LRCH3: variants seen among roughly 807,000 people sequenced by gnomAD.
The protein encoded by LRCH3 is leucine rich repeats and calponin homology domain containing 3.
A neutral mutation model predicts 104.5 loss-of-function variants in LRCH3; 68 were observed. The ratio of observed to expected loss-of-function variants is 0.65; its 90% CI spans 0.54 to 0.80. LRCH3 has a LOEUF of 0.80. Ranked by LOEUF, LRCH3 falls within the 30% of genes least tolerant of loss-of-function variation. LRCH3 has a pLI of 0.00. For missense variants in LRCH3, 951 were observed against 953.9 expected (o/e 1.00, Z 0.04); for synonymous variants, 344 against 361.3 (o/e 0.95, Z 0.54).
intron 20 of LRCH3, chr3:197,882,633 C>CT: frequency 1.0e-6 from 1 of 972,050 alleles, no homozygotes; most frequent in Non-Finnish European, 1.2e-6. Flanking sequence ...AATCTCTTTT[C>CT]TTTTTGGAAT....
At chr3:197,832,944 G>A (rs867647915) in intron 8 of LRCH3, among the ~76,000 whole-genome samples, 2 of 152,046 alleles carry the variant, frequency 1.3e-5, no homozygotes, top group East Asian at 3.9e-4. Context: ...AGTTATAATG[G>A]AAAATAACTT....
rs1194082593 is a variant in LRCH3, at chr3:197,826,100, A to G, written c.641-778A>G. 3.9e-5 allele frequency among the ~76,000 whole-genome samples: 6 copies of G among 152,318 alleles called. No individual in the cohort carries two copies. In the South Asian group the frequency reaches 6.2e-4, roughly 16 times the overall value. On this transcript the variant is annotated intron_variant, in intron 4 of 20. Coordinates refer to ENST00000425562, the MANE Select transcript of LRCH3 (RefSeq NM_001365715.1). ...TCTAAATGTCTGTGGATCATATACT[A>G]TCTTTATATGGCTGATTAGAAGTTC... is the stretch of plus-strand genomic sequence containing the variant.
intron 1 of LRCH3, among the ~76,000 whole-genome samples, chr3:197,805,578 T>A (rs907548900): frequency 1.3e-5 from 2 of 150,240 alleles, no homozygotes; most frequent in African/African-American, 5.0e-5. Flanking sequence ...ACTGAAAACC[T>A]AATGACAGCC....
intron 20 of LRCH3, among the ~76,000 whole-genome samples, chr3:197,880,019 C>A (rs1050759271): frequency 6.6e-6 from 1 of 150,508 alleles, no homozygotes; most frequent in Non-Finnish European, 1.5e-5. Flanking sequence ...GATCTCGGCT[C>A]ACTGCAAGCT....
chr3:197,875,984 TTGAAA>T, intron 20 of LRCH3: 1 of 395,320 alleles, frequency 2.5e-6, no homozygotes, highest in Non-Finnish European at 4.5e-6. Context: ...AATATATAGA[TTGAAA>T]TAAGTATAAG....
intron 4 of LRCH3, among the ~76,000 whole-genome samples, chr3:197,826,076 C>T (rs1254748923): frequency 4.6e-5 from 7 of 152,076 alleles, no homozygotes; most frequent in African/African-American, 1.7e-4. Context: ...TTGGAGATGT[C>T]TAAATGTCTG....
intron 17 of LRCH3, among the ~76,000 whole-genome samples, chr3:197,867,104 G>A (rs1352735367): frequency 1.3e-5 from 2 of 151,998 alleles, no homozygotes; most frequent in Admixed American, 1.3e-4. Flanking sequence ...GCGAAACCCC[G>A]TCTCTACTGA....
intron 4 of LRCH3, among the ~76,000 whole-genome samples, chr3:197,826,010 A>G (rs1199626457): frequency 6.6e-6 from 1 of 152,164 alleles, no homozygotes; most frequent in Non-Finnish European, 1.5e-5. Context: ...TCTGCTTTCT[A>G]TAAAATACCT....
chr3:197,883,794 A>G lies in LRCH3; in HGVS notation c.*128A>G. ...AGAAGGGACCGTTCCCATGATTCCT[A>G]ACAGGAATATTTTGCTTCATTTCTC... On this transcript the variant is annotated 3_prime_UTR_variant, in exon 21 of 21. Coordinates refer to ENST00000425562, the MANE Select transcript of LRCH3 (RefSeq NM_001365715.1). The surrounding 1 kb of genome is among the most constrained non-coding windows in gnomAD (Gnocchi z 4.2). 5 of 998,888 alleles carry G rather than the reference A, an allele frequency of 5.0e-6. No individual in the cohort carries two copies. The highest frequency in any genetic ancestry group is 5.3e-6 in the Non-Finnish European group (4 of 748,414). 61.9% of individuals were successfully genotyped at this position (998,888 alleles called of 1,614,324 possible).
rs1300678862 is a variant in LRCH3, at chr3:197,885,614, AAAAG to A, written c.*1952_*1955del. On this transcript the variant is annotated 3_prime_UTR_variant, in exon 21 of 21. Transcript: ENST00000425562. ...AACAAAAGCGAAATTCCATCTCAAAAAAAGAAAACGCGCCCCATCTCGCTCCACC... is the reference window on the plus strand; with the variant it reads ...AACAAAAGCGAAATTCCATCTCAAAAAAAACGCGCCCCATCTCGCTCCACC... The A allele has an allele frequency of 1.3e-5, 2 of 152,372 alleles. No homozygotes were observed. Among genetic ancestry groups the A allele is most frequent in the African/African-American group, 4.8e-5 (2 of 41,468 alleles). 9.4% of individuals were successfully genotyped at this position (152,372 alleles called of 1,614,324 possible).
At chr3:197,811,497 G>C (rs549410755) in intron 1 of LRCH3, among the ~76,000 whole-genome samples, 3 of 152,242 alleles carry the variant, frequency 2.0e-5, no homozygotes, top group Admixed American at 2.0e-4. Context: ...CTGTACATGT[G>C]GGTTTTGCAT....
chr3:197,836,540 C>T (rs557566981), intron 9 of LRCH3, among the ~76,000 whole-genome samples: 1 of 152,216 alleles, frequency 6.6e-6, no homozygotes, highest in African/African-American at 2.4e-5. Flanking sequence ...ATTTGAGAAA[C>T]ACTTGGGCCC....
rs1734617646 is a variant in LRCH3 at position 197,822,647 on chromosome 3, A to G, written c.640+2217A>G. ...AGTGAAGCTTTATTCCAACAGCTAC[A>G]TTCGTTCGTGTGGAAGTTTGTGTTA... On this transcript the variant is annotated intron_variant, in intron 4 of 20. Transcript: ENST00000425562. Among the ~76,000 whole-genome samples, 4 of 152,336 alleles carry G rather than the reference A, an allele frequency of 2.6e-5. No homozygotes were observed. The South Asian group carries it at 8.3e-4, about 32-fold the overall frequency.
At chr3:197,860,537 G>T (rs2109461070) in intron 15 of LRCH3, among the ~76,000 whole-genome samples, 1 of 152,156 alleles carries the variant, frequency 6.6e-6, no homozygotes, top group Non-Finnish European at 1.5e-5. Flanking sequence ...CTGTACCCCA[G>T]CCTGGGACAG....
chr3:197,817,210 T>G lies in LRCH3; in HGVS notation c.442T>G (p.Cys148Gly). 1 of 1,606,672 alleles carries G rather than the reference T, an allele frequency of 6.2e-7. No individual in the cohort carries two copies. The highest frequency in any genetic ancestry group is 8.5e-7 in the Non-Finnish European group (1 of 1,176,876). Residue 148 changes from cysteine (C) to glycine (G), a missense_variant, in exon 3 of 21, where the codon TGT (cysteine) becomes GGT (glycine). Transcript: ENST00000425562. The stretch of plus-strand genomic sequence containing the variant: ...ACTGTCAACATTGCCGGTACACTTG[T>G]GTAATTTGCCATTGAAAGTCTTAAT... The part of the protein sequence containing the change: ...NQLSTLPVHL[C>G]NLPLKVLIAS...
intron 10 of LRCH3, among the ~76,000 whole-genome samples, chr3:197,843,209 G>A (rs752517654): frequency 2.2e-4 from 34 of 152,122 alleles, no homozygotes; most frequent in Non-Finnish European, 4.1e-4. Context: ...AAGCAATATA[G>A]AATTAACATT....
chr3:197,812,175 A>C (rs1227860150), intron 1 of LRCH3, among the ~76,000 whole-genome samples: 1 of 151,900 alleles, frequency 6.6e-6, no homozygotes. Flanking sequence ...TTAAACACTA[A>C]CTCCTCATTA....
intron 5 of LRCH3, 135 bp downstream of exon 5, chr3:197,827,149 T>A (rs1735307041): frequency 1.4e-6 from 2 of 1,430,632 alleles, no homozygotes; most frequent in Non-Finnish European, 1.9e-6. Context: ...AGTGGAAGCA[T>A]CAGGTAAACC....
At chr3:197,872,574 A>C (rs192092552) in intron 19 of LRCH3, among the ~76,000 whole-genome samples, 3 of 152,060 alleles carry the variant, frequency 2.0e-5, no homozygotes, top group Non-Finnish European at 2.9e-5. Context: ...AAAGGAAAAG[A>C]GACTGGGTGC....
Sources: allele counts gnomAD v4.1 joint callset (sites outside exome capture counted in the v4.1 genomes callset), GRCh38; gene constraint gnomAD v4.1.1; non-coding constraint Gnocchi (gnomAD v3.1); transcripts MANE v1.5; gene names NCBI Gene and HGNC (gene_info 2026-07-23, HGNC 2026-07-21).